Variants in MLF1 observed in about 807,000 individuals in gnomAD.
The protein encoded by MLF1 is myeloid leukemia factor 1, also known as myelodysplasia-myeloid leukemia factor 1.
Under a neutral mutation model 38.3 loss-of-function variants are expected in MLF1, and 37 were observed. The ratio of observed to expected loss-of-function variants is 0.96; its 90% CI spans 0.74 to 1.27. MLF1 has a LOEUF of 1.27. MLF1 is among the 50% of genes most tolerant of loss of function. The probability of loss-of-function intolerance (pLI) is 0.00; values close to 1 mark genes in which losing one functional copy is unlikely to be tolerated. For synonymous variants in MLF1, 95 were observed against 106.5 expected (o/e 0.89, Z 0.66); for missense variants, 331 against 349.2 (o/e 0.95, Z 0.42).
Position 158,605,441 on chromosome 3 carries a change from T to TA in MLF1, c.*240dup, listed in dbSNP as rs1310963145. On this transcript the variant is annotated 3_prime_UTR_variant, in exon 8 of 8. Coordinates refer to ENST00000466246, the MANE Select transcript of MLF1 (RefSeq NM_001369783.1). ...ATTTAATGTAAAACTCTTTAAAACA[T>TA]ACTAATTTTTTAAAGCTTATATGCT... 1 of 323,156 alleles carries TA rather than the reference T, an allele frequency of 3.1e-6. No individual in the cohort carries two copies. The highest frequency in any genetic ancestry group is 1.2e-4 in the South Asian group (1 of 8,284). 20.0% of individuals were successfully genotyped at this position (323,156 alleles called of 1,614,324 possible).
chr3:158,589,489 C>T (rs940478929), intron 1 of MLF1, among the ~76,000 whole-genome samples: 3 of 152,146 alleles, frequency 2.0e-5, no homozygotes, highest in Non-Finnish European at 2.9e-5. Flanking sequence ...GGATTACAGG[C>T]ATGAGCCACC....
chr3:158,588,185 G>C (rs1001389774), intron 1 of MLF1, among the ~76,000 whole-genome samples: 7 of 152,142 alleles, frequency 4.6e-5, no homozygotes, highest in African/African-American at 1.4e-4. Flanking sequence ...GAACTTGGAA[G>C]TGGATTCTCC....
At chr3:158,584,658 AGT>A (rs56885799) in intron 1 of MLF1, among the ~76,000 whole-genome samples, 34,792 of 133,790 alleles carry the variant, frequency 0.26, 4,269 homozygotes, top group Middle Eastern at 0.35. Flanking sequence ...CCATAAAGAA[AGT>A]GTGTGTGTGT....
intron 1 of MLF1, among the ~76,000 whole-genome samples, chr3:158,586,209 G>A (rs565917171): frequency 2.2e-4 from 33 of 150,574 alleles, no homozygotes; most frequent in African/African-American, 7.1e-4. Flanking sequence ...GGTGGTTGTC[G>A]GGATAATTTT....
intron 1 of MLF1, among the ~76,000 whole-genome samples, chr3:158,587,007 T>C (rs1279662316): frequency 6.6e-6 from 1 of 152,208 alleles, no homozygotes; most frequent in Non-Finnish European, 1.5e-5. Context: ...TACATATGTG[T>C]TCATTAAATA....
intron 7 of MLF1, 151 bp from the exon 8 acceptor site, chr3:158,604,946 G>A (rs1470575788): frequency 8.3e-6 from 5 of 602,900 alleles, no homozygotes; most frequent in East Asian, 5.8e-5. Context: ...ATGAGCCACC[G>A]CACCTGGCCA....
intron 3 of MLF1, among the ~76,000 whole-genome samples, chr3:158,596,049 C>A (rs562126545): frequency 6.6e-6 from 1 of 152,100 alleles, no homozygotes; most frequent in African/African-American, 2.4e-5. Context: ...CAGGGTAATT[C>A]TTTTTGTTCT....
intron 1 of MLF1, among the ~76,000 whole-genome samples, chr3:158,585,609 A>G (rs747621360): frequency 6.6e-5 from 10 of 152,200 alleles, no homozygotes; most frequent in South Asian, 2.1e-4. Context: ...AGATACAGAA[A>G]TTAAATTTTT....
intron 1 of MLF1, among the ~76,000 whole-genome samples, chr3:158,574,522 A>C (rs971699895): frequency 8.2e-5 from 12 of 146,096 alleles, no homozygotes; most frequent in Admixed American, 1.4e-4. Flanking sequence ...AAAAAAAAAA[A>C]AAAAATACAA....
intron 1 of MLF1, among the ~76,000 whole-genome samples, chr3:158,588,462 G>A (rs1166932323): frequency 1.3e-5 from 2 of 152,098 alleles, no homozygotes; most frequent in Non-Finnish European, 2.9e-5. Flanking sequence ...TTAGCTGGGT[G>A]TGGTGGCTGG....
chr3:158,586,560 T>G (rs1717289343), intron 1 of MLF1, among the ~76,000 whole-genome samples: 1 of 152,230 alleles, frequency 6.6e-6, no homozygotes, highest in Non-Finnish European at 1.5e-5. Context: ...CAGTGGTAAT[T>G]CAGAAGTAAA....
chr3:158,577,881 C>T (rs907767492), intron 1 of MLF1, among the ~76,000 whole-genome samples: 2 of 152,174 alleles, frequency 1.3e-5, no homozygotes, highest in African/African-American at 4.8e-5. Flanking sequence ...GGAGCATAAT[C>T]ATTTCCACAA....
intron 1 of MLF1, among the ~76,000 whole-genome samples, chr3:158,580,816 T>TG (rs67227740): frequency 0.16 from 23,818 of 148,848 alleles, 1,966 homozygotes; most frequent in South Asian, 0.23. Context: ...TATCCAGGCA[T>TG]GGTAGTGCAC....
At chr3:158,596,782 T>C (rs1417332189) in intron 3 of MLF1, 80 bp from the exon 4 acceptor site, 1 of 818,676 alleles carries the variant, frequency 1.2e-6, no homozygotes, top group African/African-American at 1.7e-5. Context: ...GAAAAAAATG[T>C]TTTAGCTGTT....
chr3:158,580,321 G>GA (rs934460957), intron 1 of MLF1, among the ~76,000 whole-genome samples: 6 of 147,796 alleles, frequency 4.1e-5, no homozygotes, highest in South Asian at 2.2e-4. Context: ...TTGTGAGGTG[G>GA]AAAAAAAAAG....
At position 158,584,697 on chromosome 3, in the gene MLF1, GTGTA is replaced by G. The variant is rs1160935852; in HGVS notation, c.48-7735_48-7732del. Among the ~76,000 whole-genome samples the G allele has an allele frequency of 4.8e-3, 691 of 143,396 alleles. 3 individuals are homozygous for G. Among genetic ancestry groups the G allele is most frequent in the African/African-American group, 0.017 (656 of 38,872 alleles). 94.1% of individuals were successfully genotyped at this position (143,396 alleles called of 152,430 possible). A position where few individuals can be genotyped will look rare whatever the true frequency, so the allele number is the denominator to read the frequency against. On this transcript the variant is annotated intron_variant, in intron 1 of 7. Coordinates refer to ENST00000466246, the MANE Select transcript of MLF1 (RefSeq NM_001369783.1). ...TGTGTGTGTGTGTGTGTGTGTGTGT[GTGTA>G]TACTTTTTTATGTATATACCCCCCC...
chr3:158,581,953 A>G (rs1576651077), intron 1 of MLF1, among the ~76,000 whole-genome samples: 1 of 152,116 alleles, frequency 6.6e-6, no homozygotes, highest in Non-Finnish European at 1.5e-5. Flanking sequence ...GCCAAGGCAG[A>G]TGGATCACCT....
intron 1 of MLF1, among the ~76,000 whole-genome samples, chr3:158,583,766 A>C (rs1432324720): frequency 6.6e-6 from 1 of 152,174 alleles, no homozygotes; most frequent in Non-Finnish European, 1.5e-5. Flanking sequence ...ACATTTGATA[A>C]AAACTGACAT....
intron 1 of MLF1, among the ~76,000 whole-genome samples, chr3:158,580,313 G>A (rs1055585096): frequency 6.6e-6 from 1 of 151,232 alleles, no homozygotes; most frequent in African/African-American, 2.4e-5. Context: ...GAAAGATTTT[G>A]TGAGGTGGAA....
Sources: gnomAD v4.1 joint callset for allele counts (sites outside exome capture counted in the v4.1 genomes callset) on GRCh38, gnomAD v4.1.1 for gene constraint, MANE v1.5 for transcripts, NCBI Gene and HGNC (gene_info 2026-07-23, HGNC 2026-07-21) for gene names.